The following GGNBP2 variants were observed in gnomAD, a reference collection of about 807,000 sequenced individuals.
The protein encoded by GGNBP2 is gametogenetin-binding protein 2.
GGNBP2 carries 10 observed loss-of-function variants against 85.9 expected under a neutral mutation model. The ratio of observed to expected loss-of-function variants is 0.12; its 90% confidence interval spans 0.07 to 0.20. The LOEUF is 0.20. Among genes scored for constraint, GGNBP2 ranks in the 10% least tolerant of loss-of-function variants. The pLI is 1.00. For synonymous variants in GGNBP2, 287 were observed against 285.7 expected, an observed-to-expected ratio of 1.00 and a Z score of -0.05; for missense variants, 595 against 857.8, an observed-to-expected ratio of 0.69 and a Z score of 3.83.
In GGNBP2 at chr17:36,587,159, A is replaced by G. The variant is rs750728592; in HGVS notation, c.1804A>G (p.Lys602Glu). The G allele has an allele frequency of 6.2e-7, 1 of 1,614,032 alleles. No homozygotes were observed. The highest frequency in any genetic ancestry group is 1.1e-5 in the South Asian group (1 of 91,074). The change falls in exon 13 of 14, where the codon AAA (lysine) becomes GAA (glutamate). Residue 602 changes from lysine (K) to glutamate (E), a missense_variant. Lys to Glu is a moderately conservative substitution (Grantham distance 56). This residue lies in a region of GGNBP2 where 120 missense variants were observed against 126.3 expected (regional missense o/e 0.95). Coordinates refer to ENST00000613102, the MANE Select transcript of GGNBP2 (RefSeq NM_024835.5). Reference sequence around the variant, plus strand: ...GCCATTGCCTTGGTTTGAGCATAGGAAAAATGTACCACAGTTTGCAGAACC... The same window carrying G: ...GCCATTGCCTTGGTTTGAGCATAGGGAAAATGTACCACAGTTTGCAGAACC... ...GQPLPWFEHR[K>E]NVPQFAEPTE...
At chr17:36,587,878 T>A (rs568038565) in intron 13 of GGNBP2, among the ~76,000 whole-genome samples, 1 of 151,860 alleles carries the variant, frequency 6.6e-6, no homozygotes, top group South Asian at 2.1e-4. Flanking sequence ...AGAGTGAGAC[T>A]TTGTCTCAAA....
chr17:36,574,174 A>T (rs1273841750), intron 6 of GGNBP2, among the ~76,000 whole-genome samples: 1 of 152,190 alleles, frequency 6.6e-6, no homozygotes, highest in Non-Finnish European at 1.5e-5. Context: ...CATATATGAC[A>T]GTGGGCCCGT....
chr17:36,583,561 C>G lies in GGNBP2; in HGVS notation c.1216-1739C>G, dbSNP rs377227370. 2.9e-4 allele frequency among the ~76,000 whole-genome samples: 44 copies of G among 152,088 alleles called. No individual in the cohort carries two copies. The East Asian group carries it at 5.0e-3, about 17-fold the overall frequency. ...GTAACTTCCTCCTCCTGGGTTCAAG[C>G]GATTTTTGTGCCTCAGCCTCCCAAG... On this transcript the variant is annotated intron_variant, in intron 9 of 13. Transcript: ENST00000613102.
At chr17:36,555,796 C>G (rs141626271) in intron 3 of GGNBP2, among the ~76,000 whole-genome samples, 3 of 152,280 alleles carry the variant, frequency 2.0e-5, no homozygotes, top group African/African-American at 7.2e-5. Context: ...AATGTAAATG[C>G]TGTGTAAATA....
At chr17:36,562,844 G>A (rs916217246) in intron 5 of GGNBP2, among the ~76,000 whole-genome samples, 10 of 147,538 alleles carry the variant, frequency 6.8e-5, no homozygotes, top group African/African-American at 2.5e-4. Flanking sequence ...ACACATCTGT[G>A]ATCCCAGCTA....
chr17:36,574,358 C>G (rs1420148829), intron 6 of GGNBP2: 1 of 158,668 alleles, frequency 6.3e-6, no homozygotes, highest in Non-Finnish European at 1.4e-5. Context: ...AAATAGCTAA[C>G]AATGCATTTC....
At position 36,585,382 on chromosome 17, in the gene GGNBP2, C is replaced by T. The variant is rs899908035; in HGVS notation, c.1298C>T (p.Thr433Ile). 1 of 1,612,178 alleles carries T rather than the reference C, an allele frequency of 6.2e-7. No homozygotes were observed. The highest frequency in any genetic ancestry group is 1.3e-5 in the African/African-American group (1 of 74,862). Residue 433 changes from threonine (T) to isoleucine (I), a missense_variant, in exon 10 of 14, where the codon ACC becomes ATC. By Grantham distance (89) the Thr-to-Ile change is moderately conservative (BLOSUM62 -1). Around this residue, in one of 9 missense-constraint regions of GGNBP2, gnomAD observed 85 missense variants for 92.6 expected, o/e 0.92. Transcript: ENST00000613102. ...AATACTTGTGTAGAAGTAATTGTTA[C>T]CAATGAAAATACATCATGTACCTGT... Reference protein sequence around the residue: ...DGNTCVEVIVTNENTSCTCPS... With the variant: ...DGNTCVEVIVINENTSCTCPS...
chr17:36,576,574 A>AT (rs2074586447), intron 6 of GGNBP2: 1 of 28,486 alleles, frequency 3.5e-5, no homozygotes, highest in East Asian at 1.0e-3. Flanking sequence ...AAAAAAAAAA[A>AT]AAAAAAAAAA....
chr17:36,548,925 A>G (rs117011515), intron 2 of GGNBP2, among the ~76,000 whole-genome samples: 3,137 of 152,098 alleles, frequency 0.021, 96 homozygotes, highest in East Asian at 0.092. Flanking sequence ...AGCCTGGGAG[A>G]CAAAGTGAAA....
intron 8 of GGNBP2, among the ~76,000 whole-genome samples, chr17:36,580,848 G>A (rs2074641433): frequency 6.6e-6 from 1 of 151,972 alleles, no homozygotes; most frequent in South Asian, 2.1e-4. Context: ...GAACCTGGGT[G>A]GTAGAGGTTG....
intron 5 of GGNBP2, among the ~76,000 whole-genome samples, chr17:36,562,561 A>T (rs1293306781): frequency 1.3e-5 from 2 of 148,768 alleles, no homozygotes; most frequent in Non-Finnish European, 1.5e-5. Flanking sequence ...GAGTTACACC[A>T]TTATTGTATA....
intron 4 of GGNBP2, among the ~76,000 whole-genome samples, chr17:36,559,241 G>T (rs1046044907): frequency 2.7e-5 from 4 of 146,360 alleles, no homozygotes; most frequent in African/African-American, 1.0e-4. Context: ...AGGTTGCAGT[G>T]AGGCAAGATT....
rs180894213 is a variant in GGNBP2, at chr17:36,588,578, G to A, written c.1891-630G>A. Among the ~76,000 whole-genome samples the A allele has an allele frequency of 5.3e-3, 800 of 151,236 alleles. 8 individuals carry two copies. The highest frequency in any genetic ancestry group is 6.8e-3 in the Middle Eastern group (2 of 292). On this transcript the variant is annotated intron_variant, in intron 13 of 13. Coordinates refer to ENST00000613102, the MANE Select transcript of GGNBP2 (RefSeq NM_024835.5). Reference sequence around the variant, plus strand: ...GCTAGTTTTTTTCTTTTTTATGGTTGTAAAGTTTAGTTTTAATATTTATTT... The same window carrying A: ...GCTAGTTTTTTTCTTTTTTATGGTTATAAAGTTTAGTTTTAATATTTATTT...
At chr17:36,557,424 T>C in intron 4 of GGNBP2, 88 bp downstream of exon 4, 1 of 1,092,634 alleles carries the variant, frequency 9.2e-7, no homozygotes, top group East Asian at 2.4e-5. Flanking sequence ...GATGGAAAGA[T>C]TGAGTCTGAT....
chr17:36,564,887 A>G (rs1304702392), intron 5 of GGNBP2, among the ~76,000 whole-genome samples: 2 of 152,116 alleles, frequency 1.3e-5, no homozygotes, highest in African/African-American at 2.4e-5. Context: ...TCTCTCATCT[A>G]TGCAAGTAAA....
intron 6 of GGNBP2, 38 bp from the exon 7 acceptor site, chr17:36,577,945 C>A: frequency 1.3e-6 from 2 of 1,501,928 alleles, no homozygotes; most frequent in Non-Finnish European, 1.8e-6. Flanking sequence ...AATAATTGCA[C>A]AGCCATTTCT....
At position 36,589,486 on chromosome 17, in the gene GGNBP2, ATT is replaced by A; in HGVS notation, c.*77_*78del. 8.2e-7 allele frequency: 1 copy of A among 1,223,518 alleles called. No homozygotes were observed. Among genetic ancestry groups the A allele is most frequent in the Non-Finnish European group, 1.2e-6 (1 of 853,924 alleles). The allele number at this position is 1,223,518 out of a possible 1,614,324, so 75.8% of individuals were successfully genotyped here. A position where few individuals can be genotyped will look rare whatever the true frequency, so the allele number is the denominator to read the frequency against. On this transcript the variant is annotated 3_prime_UTR_variant, in exon 14 of 14. Transcript: ENST00000613102. ...CGCCTTCTCTTTCGAAAAACTCTTA[ATT>A]TAGTGACTTATGGCAAAATTTTATC...
chr17:36,579,856 C>T (rs938055199), intron 8 of GGNBP2, among the ~76,000 whole-genome samples: 1 of 151,934 alleles, frequency 6.6e-6, no homozygotes, highest in African/African-American at 2.4e-5. Flanking sequence ...ACTAAAAATA[C>T]AAAAATTAGC....
intron 5 of GGNBP2, among the ~76,000 whole-genome samples, chr17:36,562,443 A>G (rs1482800017): frequency 6.6e-6 from 1 of 151,130 alleles, no homozygotes; most frequent in African/African-American, 2.4e-5. Flanking sequence ...TGCTGGGATT[A>G]CAGGCGTGAG....
Sources: gnomAD v4.1 joint callset for allele counts (sites outside exome capture counted in the v4.1 genomes callset) on GRCh38, gnomAD v4.1.1 for gene constraint, gnomAD v4.1.1 regional missense constraint, MANE v1.5 for transcripts, NCBI Gene and HGNC (gene_info 2026-07-23, HGNC 2026-07-21) for gene names.